DLX2: variants seen among roughly 807,000 people sequenced by gnomAD.
DLX2 encodes homeobox protein DLX-2.
A neutral mutation model predicts 27.4 loss-of-function variants in DLX2; 8 were observed. The observed-to-expected ratio is 0.29, with a 90% CI of 0.17 to 0.53. The LOEUF is 0.53. Among genes scored for constraint, DLX2 ranks in the 20% least tolerant of loss-of-function variants. DLX2 has a pLI of 0.96. For synonymous variants in DLX2, 210 were observed against 200.8 expected, an observed-to-expected ratio of 1.05 and a Z score of -0.39; for missense variants, 421 against 450.9, an observed-to-expected ratio of 0.93 and a Z score of 0.60.
rs1249568192 is a variant in DLX2 at position 172,101,531 on chromosome 2, T to C, written c.516A>G (p.Gln172=). Residue 172 remains glutamine (Q), a synonymous_variant, in exon 2 of 3, where the codon CAA becomes CAG. Transcript: ENST00000234198. The part of the protein sequence containing the change: ...FQLAALQRRF[Q]KTQYLALPER... ...CCGGCAAGGCCAAGTATTGAGTCTT[T>C]TGGAAACGCCGCTGAAGAGCCGCCA... 6.2e-7 allele frequency: 1 copy of C among 1,613,748 alleles called. No individual in the cohort carries two copies. Among genetic ancestry groups the C allele is most frequent in the Admixed American group, 1.7e-5 (1 of 60,018 alleles).
intron 1 of DLX2, 118 bp downstream of exon 1, chr2:172,102,021 G>C (rs1691167135): frequency 2.6e-5 from 39 of 1,484,860 alleles, no homozygotes; most frequent in Non-Finnish European, 3.5e-5. Context: ...ACAAGCGGGC[G>C]GTGAGCAGGC....
Position 172,100,856 on chromosome 2 carries a change from C to G in DLX2, c.674G>C (p.Ser225Thr). The G allele has an allele frequency of 6.2e-7, 1 of 1,612,752 alleles. No individual in the cohort carries two copies. Among genetic ancestry groups the G allele is most frequent in the Non-Finnish European group, 8.5e-7 (1 of 1,179,832 alleles). ...EIPSEQHPGA[S>T]ASPPCASPPV... ...CGGCGAAGCACAAGGTGGAGAAGCG[C>G]TGGCCCCAGGGTGCTGCTCCGAGGG... The change falls in exon 3 of 3, where the codon AGC becomes ACC. Residue 225 changes from serine to threonine, a missense_variant. Ser to Thr is a moderately conservative substitution (Grantham distance 58). Around this residue, in one of 5 missense-constraint regions of DLX2, gnomAD observed 185 missense variants for 171.1 expected, o/e 1.08. Coordinates refer to ENST00000234198, the MANE Select transcript of DLX2 (RefSeq NM_004405.4). The surrounding 1 kb of genome is among the most constrained non-coding windows in gnomAD (Gnocchi z 4.5).
chr2:172,101,641 CCTT>C lies in DLX2; in HGVS notation c.403_405del (p.Lys135del). On this transcript the variant is annotated inframe_deletion and splice_region_variant, in exon 2 of 3. Transcript: ENST00000234198. ...ATCCGAATTTCAGGCTCAAGGTCCTCCTTCTCTGCAACGATAAAGAATCGTAAG... is the reference window on the plus strand; with the variant it reads ...ATCCGAATTTCAGGCTCAAGGTCCTCCTCTGCAACGATAAAGAATCGTAAG... 1.2e-6 allele frequency: 2 copies of C among 1,614,094 alleles called. No homozygotes were observed. Among genetic ancestry groups the C allele is most frequent in the South Asian group, 2.2e-5 (2 of 91,080 alleles).
chr2:172,100,567 CG>C lies in DLX2; in HGVS notation c.962del (p.Pro321ArgfsTer2). On this transcript the variant is annotated frameshift_variant, in exon 3 of 3. Transcript: ENST00000234198. LOFTEE classifies it high-confidence loss of function. This position sits in a 1 kb window ranked among gnomAD's most constrained non-coding sequence, Gnocchi z 4.5. ...HHHHHGGGGA[P>X]VSAGTIF Reference sequence around the variant, plus strand: ...GTTAGAAAATCGTCCCCGCGCTCACCGGGGCGCCCCCGCCGCCGTGATGGTG... The same window carrying C: ...GTTAGAAAATCGTCCCCGCGCTCACCGGGCGCCCCCGCCGCCGTGATGGTG... 1 of 1,577,682 alleles carries C rather than the reference CG, an allele frequency of 6.3e-7. No individual in the cohort carries two copies. Among genetic ancestry groups the C allele is most frequent in the Non-Finnish European group, 8.6e-7 (1 of 1,166,090 alleles).
At position 172,102,341 on chromosome 2, in the gene DLX2, G is replaced by A; in HGVS notation, c.198C>T (p.Tyr66=). The change falls in exon 1 of 3, where the codon TAC becomes TAT. Residue 66 remains tyrosine, a synonymous_variant. Transcript: ENST00000234198. ...LPVSTATDSS[Y]YTNQQHPAGG... ...CCGCCGGGTGCTGCTGGTTGGTGTAGTAGCTGCTGTCGGTGGCGGTGGACA... is the reference window on the plus strand; with the variant it reads ...CCGCCGGGTGCTGCTGGTTGGTGTAATAGCTGCTGTCGGTGGCGGTGGACA... 1 of 1,596,902 alleles carries A rather than the reference G, an allele frequency of 6.3e-7. No homozygotes were observed. The highest frequency in any genetic ancestry group is 1.3e-5 in the African/African-American group (1 of 74,614).
In DLX2 at chr2:172,099,537, C is replaced by T. The variant is rs1390458964; in HGVS notation, c.*1006G>A. On this transcript the variant is annotated 3_prime_UTR_variant, in exon 3 of 3. Coordinates refer to ENST00000234198, the MANE Select transcript of DLX2 (RefSeq NM_004405.4). Reference sequence around the variant, plus strand: ...TAATAAATAACCCCAAAATACCTTTCATTTCAACAACAAAGACTTTAGGAT... The same window carrying T: ...TAATAAATAACCCCAAAATACCTTTTATTTCAACAACAAAGACTTTAGGAT... 2 of 152,624 alleles carry T rather than the reference C, an allele frequency of 1.3e-5. No homozygotes were observed. The highest frequency in any genetic ancestry group is 2.9e-5 in the Non-Finnish European group (2 of 68,030). 9.5% of individuals were successfully genotyped at this position (152,624 alleles called of 1,614,324 possible). A position where few individuals can be genotyped will look rare whatever the true frequency, so the allele number is the denominator to read the frequency against.
rs1691133227 is a variant in DLX2 at position 172,100,572 on chromosome 2, C to T, written c.958G>A (p.Ala320Thr). 1.3e-6 allele frequency: 2 copies of T among 1,576,822 alleles called. No individual in the cohort carries two copies. Among genetic ancestry groups the T allele is most frequent in the African/African-American group, 1.4e-5 (1 of 71,036 alleles). ...HHHHHHGGGG[A>T]PVSAGTIF is the part of the protein sequence containing the mutation. ...AAAATCGTCCCCGCGCTCACCGGGG[C>T]GCCCCCGCCGCCGTGATGGTGGTGG... The change falls in exon 3 of 3, where the codon GCC becomes ACC. Residue 320 changes from alanine (A) to threonine (T), a missense_variant. Physicochemically the swap from Ala to Thr is moderately conservative, Grantham distance 58. This residue lies in a region of DLX2 where 185 missense variants were observed against 171.1 expected (regional missense o/e 1.08). Coordinates refer to ENST00000234198, the MANE Select transcript of DLX2 (RefSeq NM_004405.4). This position sits in a 1 kb window ranked among gnomAD's most constrained non-coding sequence, Gnocchi z 4.5.
chr2:172,102,571 G>A lies in DLX2; in HGVS notation c.-33C>T, dbSNP rs1691184093. On this transcript the variant is annotated 5_prime_UTR_variant, in exon 1 of 3. Coordinates refer to ENST00000234198, the MANE Select transcript of DLX2 (RefSeq NM_004405.4). ...CGAGACGGGAAAGAGCAGAGGTGGC[G>A]GGCGTGCGGGGGAAGCCAGGCGCCT... 6.7e-7 allele frequency: 1 copy of A among 1,482,312 alleles called. No individual in the cohort carries two copies. Among genetic ancestry groups the A allele is most frequent in the Non-Finnish European group, 9.0e-7 (1 of 1,117,220 alleles). The allele number at this position is 1,482,312 out of a possible 1,614,324, so 91.8% of individuals were successfully genotyped here. A position where few individuals can be genotyped will look rare whatever the true frequency, so the allele number is the denominator to read the frequency against.
At chr2:172,101,107 G>A (rs1691148855) in intron 2 of DLX2, 163 bp from the exon 3 acceptor site, 11 of 729,634 alleles carry the variant, frequency 1.5e-5, no homozygotes, top group Non-Finnish European at 2.4e-5. Context: ...TCGAGGCTCT[G>A]CCGGTTCCTG....
At position 172,102,267 on chromosome 2, in the gene DLX2, T is replaced by C. The variant is rs150778661; in HGVS notation, c.272A>G (p.Gln91Arg). 2.5e-6 allele frequency: 4 copies of C among 1,614,078 alleles called. No individual in the cohort carries two copies. The highest frequency in any genetic ancestry group is 3.4e-6 in the Non-Finnish European group (4 of 1,179,992). The change falls in exon 1 of 3, where the codon CAG (glutamine) becomes CGG (arginine). Residue 91 changes from glutamine to arginine, a missense_variant. Physicochemically the swap from Gln to Arg is conservative, Grantham distance 43. Coordinates refer to ENST00000234198, the MANE Select transcript of DLX2 (RefSeq NM_004405.4). ...GTTGTTGAGGCCGCTGGCTTGGTACTGGTAGGAACCCATGTGCGCGTAGGG... is the reference window on the plus strand; with the variant it reads ...GTTGTTGAGGCCGCTGGCTTGGTACCGGTAGGAACCCATGTGCGCGTAGGG... Reference protein sequence around the residue: ...GSPYAHMGSYQYQASGLNNVP... With the variant: ...GSPYAHMGSYRYQASGLNNVP...
At position 172,100,265 on chromosome 2, in the gene DLX2, A is replaced by G; in HGVS notation, c.*278T>C. On this transcript the variant is annotated 3_prime_UTR_variant, in exon 3 of 3. Transcript: ENST00000234198. This position sits in a 1 kb window ranked among gnomAD's most constrained non-coding sequence, Gnocchi z 4.5. The stretch of plus-strand genomic sequence containing the variant: ...GGCTCACCCGGAGGGGAGGGAAGGC[A>G]AGTCCGAGGCGGGGCTCGAAACAGC... 1 of 368,690 alleles carries G rather than the reference A, an allele frequency of 2.7e-6. No homozygotes were observed. Among genetic ancestry groups the G allele is most frequent in the Non-Finnish European group, 4.8e-6 (1 of 207,376 alleles). The allele number at this position is 368,690 out of a possible 1,614,324, so 22.8% of individuals were successfully genotyped here.
chr2:172,101,175 G>A, intron 2 of DLX2: 1 of 616,380 alleles, frequency 1.6e-6, no homozygotes, highest in South Asian at 2.1e-5. Context: ...GCACTGTGAT[G>A]ATGGTGACAG....
rs781589723 is a variant in DLX2, at chr2:172,102,297, C to T, written c.242G>A (p.Gly81Asp). The change falls in exon 1 of 3, where the codon GGC becomes GAC. Residue 81 changes from glycine (G) to aspartate (D), a missense_variant. This residue lies in a region of DLX2 where 141 missense variants were observed against 123.5 expected (regional missense o/e 1.14). Transcript: ENST00000234198. ...QHPAGGGGGG[G>D]SPYAHMGSYQ... Reference sequence around the variant, plus strand: ...GGAACCCATGTGCGCGTAGGGCGAGCCCCCGCCGCCGCCGCCGCCCGCCGG... The same window carrying T: ...GGAACCCATGTGCGCGTAGGGCGAGTCCCCGCCGCCGCCGCCGCCCGCCGG... The T allele has an allele frequency of 8.7e-6, 14 of 1,610,104 alleles. No individual in the cohort carries two copies. The highest frequency in any genetic ancestry group is 5.5e-5 in the South Asian group (5 of 90,910).
In DLX2 at chr2:172,102,439, C is replaced by A. The variant is rs996627276; in HGVS notation, c.100G>T (p.Gly34Cys). 5 of 1,549,140 alleles carry A rather than the reference C, an allele frequency of 3.2e-6. No individual in the cohort carries two copies. In the African/African-American group the frequency reaches 6.9e-5, roughly 21 times the overall value. The stretch of plus-strand genomic sequence containing the variant: ...CTGCTGTTGCCACCCGGGCCGGCGC[C>A]GCCGCCGCTCGGGGGCTGCTGGTGC... ...HQHQQPPSGGGAGPGGNSSSS... is the reference protein window; with the variant it reads ...HQHQQPPSGGCAGPGGNSSSS... The change falls in exon 1 of 3, where the codon GGC becomes TGC. Residue 34 changes from glycine (G) to cysteine (C), a missense_variant. Physicochemically the swap from Gly to Cys is radical, Grantham distance 159 (BLOSUM62 -3). Transcript: ENST00000234198.
rs1033018202 is a variant in DLX2, at chr2:172,100,411, G to C, written c.*132C>G. 2.0e-6 allele frequency: 2 copies of C among 1,002,956 alleles called. No individual in the cohort carries two copies. The highest frequency in any genetic ancestry group is 3.0e-5 in the East Asian group (1 of 33,422). The allele number at this position is 1,002,956 out of a possible 1,614,324, so 62.1% of individuals were successfully genotyped here. ...CCCGGGAGTGAGCAGGGCCTGAGAC[G>C]GGCCACTGCAGGTCGCAGCCTGCAG... On this transcript the variant is annotated 3_prime_UTR_variant, in exon 3 of 3. Transcript: ENST00000234198. This position sits in a 1 kb window ranked among gnomAD's most constrained non-coding sequence, Gnocchi z 4.5.
rs1186970583 is a variant in DLX2, at chr2:172,100,746, C to G, written c.784G>C (p.Ala262Pro). 1 of 1,549,888 alleles carries G rather than the reference C, an allele frequency of 6.5e-7. No individual in the cohort carries two copies. The highest frequency in any genetic ancestry group is 1.2e-5 in the South Asian group (1 of 85,290). The change falls in exon 3 of 3, where the codon GCC becomes CCC. Residue 262 changes from alanine (A) to proline (P), a missense_variant. By Grantham distance (27) the Ala-to-Pro change is conservative (BLOSUM62 -1). Transcript: ENST00000234198. The surrounding 1 kb of genome is among the most constrained non-coding windows in gnomAD (Gnocchi z 4.5). Reference protein sequence around the residue: ...GGGPGSGGSGAGSSGSSPSSA... With the variant: ...GGGPGSGGSGPGSSGSSPSSA... ...CTCGGGCTGGAGCCCGAGCTGCCGG[C>G]GCCGCTGCCGCCACTGCCCGGACCA...
chr2:172,100,576 C>G lies in DLX2; in HGVS notation c.954G>C (p.Gly318=). 1 of 1,577,148 alleles carries G rather than the reference C, an allele frequency of 6.3e-7. No homozygotes were observed. The highest frequency in any genetic ancestry group is 8.6e-7 in the Non-Finnish European group (1 of 1,165,964). The part of the protein sequence containing the change: ...PHHHHHHHGG[G]GAPVSAGTIF ...TCGTCCCCGCGCTCACCGGGGCGCC[C>G]CCGCCGCCGTGATGGTGGTGGTGGT... Residue 318 remains glycine, a synonymous_variant, in exon 3 of 3, where the codon GGG becomes GGC. Transcript: ENST00000234198. The surrounding 1 kb of genome is among the most constrained non-coding windows in gnomAD (Gnocchi z 4.5).
At position 172,102,380 on chromosome 2, in the gene DLX2, C is replaced by A. The variant is rs1484539485; in HGVS notation, c.159G>T (p.Ser53=). 1.9e-6 allele frequency: 3 copies of A among 1,561,828 alleles called. No individual in the cohort carries two copies. Among genetic ancestry groups the A allele is most frequent in the South Asian group, 2.3e-5 (2 of 85,840 alleles). ...SSSSLHKPQE[S]PTLPVSTATD... is the part of the protein sequence containing the mutation. ...TGGCGGTGGACACCGGAAGGGTGGG[C>A]GACTCCTGGGGCTTGTGGAGGCTGC... Residue 53 remains serine (S), a synonymous_variant, in exon 1 of 3, where the codon TCG becomes TCT. Transcript: ENST00000234198.
rs182940056 is a variant in DLX2, at chr2:172,102,846, G to C, written c.-308C>G. 5.4e-5 allele frequency: 19 copies of C among 354,704 alleles called. No homozygotes were observed. In the East Asian group the frequency reaches 9.5e-4, roughly 18 times the overall value. 22.0% of individuals were successfully genotyped at this position (354,704 alleles called of 1,614,324 possible). On this transcript the variant is annotated 5_prime_UTR_variant, in exon 1 of 3. Transcript: ENST00000234198. ...GGGGCAGGGGTGGCTGGGCCGGGTC[G>C]GGGCTCTGGGAGGCGGGAGCAGGTG...
Sources: allele counts gnomAD v4.1 joint callset, GRCh38; gene constraint gnomAD v4.1.1; regional missense constraint gnomAD v4.1.1; non-coding constraint Gnocchi (gnomAD v3.1); transcripts MANE v1.5; gene names NCBI Gene and HGNC (gene_info 2026-07-23, HGNC 2026-07-21).